Variants in NEO1 observed in about 807,000 individuals in gnomAD.
NEO1 encodes the protein neogenin 1.
In NEO1, 63 loss-of-function variants were observed where a neutral mutation model predicts 159.7. The ratio of observed to expected loss-of-function variants is 0.39; its 90% CI spans 0.32 to 0.49. The LOEUF (loss-of-function observed/expected upper bound fraction) is 0.49, where lower values mean the gene tolerates loss of function less well. Ranked by LOEUF, NEO1 falls within the 20% of genes least tolerant of loss-of-function variation. The pLI, the probability that NEO1 is intolerant of heterozygous loss-of-function variation, is 0.85. For missense variants in NEO1, 1,615 were observed against 1,831.0 expected, an observed-to-expected ratio of 0.88 and a Z score of 2.15; for synonymous variants, 633 against 662.0, an observed-to-expected ratio of 0.96 and a Z score of 0.67.
chr15:73,135,044 C>T (rs758499531), intron 4 of NEO1, among the ~76,000 whole-genome samples: 5 of 152,098 alleles, frequency 3.3e-5, no homozygotes, highest in Non-Finnish European at 5.9e-5. Context: ...TTTAAAGTGG[C>T]AGCTTTAATT....
intron 1 of NEO1, 31 bp from the exon 2 acceptor site, chr15:73,116,509 T>C (rs2151614097): frequency 6.7e-7 from 1 of 1,487,926 alleles, no homozygotes. Context: ...AGAGATTTGC[T>C]TAACTTTGTT....
At chr15:73,278,525 C>A (rs1256500775) in intron 22 of NEO1, among the ~76,000 whole-genome samples, 2 of 152,198 alleles carry the variant, frequency 1.3e-5, no homozygotes, top group African/African-American at 4.8e-5. Context: ...CCAAACCAAG[C>A]CAAACAAATG....
chr15:73,168,328 C>A (rs976120356), intron 5 of NEO1, among the ~76,000 whole-genome samples: 1 of 133,228 alleles, frequency 7.5e-6, no homozygotes. Context: ...GAATTACAGG[C>A]ATGCACCACA....
intron 8 of NEO1, among the ~76,000 whole-genome samples, chr15:73,242,811 A>T (rs1292732132): frequency 6.6e-6 from 1 of 152,222 alleles, no homozygotes; most frequent in African/African-American, 2.4e-5. Context: ...TTATTGTCTC[A>T]GGAGTAGCAG....
intron 13 of NEO1, among the ~76,000 whole-genome samples, chr15:73,257,630 A>T (rs1302313288): frequency 6.6e-6 from 1 of 152,202 alleles, no homozygotes; most frequent in Non-Finnish European, 1.5e-5. Flanking sequence ...CACTAAACAG[A>T]TCTTGCCATA....
chr15:73,175,791 G>A (rs977626966), intron 5 of NEO1, among the ~76,000 whole-genome samples: 2 of 152,196 alleles, frequency 1.3e-5, no homozygotes, highest in Non-Finnish European at 2.9e-5. Context: ...TTATTTGTAA[G>A]TTAGCAATTT....
chr15:73,254,643 A>G (rs758056054), intron 12 of NEO1, 39 bp from the exon 13 acceptor site: 14 of 1,534,892 alleles, frequency 9.1e-6, no homozygotes, highest in African/African-American at 1.4e-5. Flanking sequence ...CAAGCTTTTG[A>G]TATATTCAGC....
At chr15:73,083,535 C>T (rs1314471820) in intron 1 of NEO1, among the ~76,000 whole-genome samples, 3 of 152,106 alleles carry the variant, frequency 2.0e-5, no homozygotes, top group Non-Finnish European at 2.9e-5. Flanking sequence ...TGCAAGATAT[C>T]TCTTATTTTG....
chr15:73,059,731 T>C (rs1196303227), intron 1 of NEO1, among the ~76,000 whole-genome samples: 1 of 152,180 alleles, frequency 6.6e-6, no homozygotes. Context: ...TGGTTCTGTA[T>C]CTTTAGAGTA....
chr15:73,260,846 ATT>A (rs993505028), intron 15 of NEO1, among the ~76,000 whole-genome samples: 3 of 152,150 alleles, frequency 2.0e-5, no homozygotes, highest in African/African-American at 7.2e-5. Context: ...TAAAATTGTT[ATT>A]TTTTTCCTTG....
intron 22 of NEO1, among the ~76,000 whole-genome samples, chr15:73,279,063 G>A (rs1678253293): frequency 1.3e-5 from 2 of 152,146 alleles, no homozygotes; most frequent in African/African-American, 4.8e-5. Context: ...GTAGGAATAC[G>A]ATGATGTCTT....
chr15:73,170,171 A>C (rs908428639), intron 5 of NEO1, among the ~76,000 whole-genome samples: 3 of 152,148 alleles, frequency 2.0e-5, no homozygotes, highest in African/African-American at 7.2e-5. Flanking sequence ...ACTATAATGT[A>C]CCTAGTGGGA....
intron 26 of NEO1, among the ~76,000 whole-genome samples, chr15:73,295,142 A>G (rs966059183): frequency 1.4e-5 from 2 of 143,462 alleles, no homozygotes; most frequent in Non-Finnish European, 3.1e-5. Flanking sequence ...ATATATATAT[A>G]TGTAAAAATT....
At chr15:73,269,442 C>T (rs533087529) in intron 16 of NEO1, among the ~76,000 whole-genome samples, 432 of 152,268 alleles carry the variant, frequency 2.8e-3, no homozygotes, top group Non-Finnish European at 4.8e-3. Flanking sequence ...CTCACCGCAG[C>T]CTCCATCTCC....
chr15:73,252,674 C>T (rs1180882110), intron 11 of NEO1, among the ~76,000 whole-genome samples: 1 of 152,112 alleles, frequency 6.6e-6, no homozygotes, highest in African/African-American at 2.4e-5. Context: ...TCCAGAAAAA[C>T]CTATGGTTGT....
rs747992603 is a variant in NEO1, at chr15:73,270,008, A to T, written c.2495-2A>T. On this transcript the variant is annotated splice_acceptor_variant, in intron 16 of 28. Transcript: ENST00000261908. LOFTEE classifies it high-confidence loss of function. ...TCCCTTTTTAAATTATTTTCTGCTC[A>T]GACACTTCTGAAGTTGATTTATTTG... The T allele has an allele frequency of 1.2e-6, 2 of 1,611,206 alleles. No homozygotes were observed. Among genetic ancestry groups the T allele is most frequent in the Non-Finnish European group, 1.7e-6 (2 of 1,177,780 alleles).
rs34165169 is a variant in NEO1, at chr15:73,097,776, C to CTTTTTTTTTTTTTTTTTTTT, written c.131-18761_131-18742dup. Among the ~76,000 whole-genome samples the CTTTTTTTTTTTTTTTTTTTT allele has an allele frequency of 4.8e-4, 36 of 75,542 alleles. 1 individual carries two copies. Among genetic ancestry groups the CTTTTTTTTTTTTTTTTTTTT allele is most frequent in the African/African-American group, 1.1e-3 (13 of 11,932 alleles). 49.6% of individuals were successfully genotyped at this position (75,542 alleles called of 152,430 possible). On this transcript the variant is annotated intron_variant, in intron 1 of 28. Transcript: ENST00000261908. ...TTCTAATCCCAGACCTGGAACTAGC[C>CTTTTTTTTTTTTTTTTTTTT]TTTTTTTTTTTTTTTTTTTTTTGTA...
Position 73,257,132 on chromosome 15 carries a change from C to CAAAA in NEO1, c.2093-1616_2093-1613dup, listed in dbSNP as rs10623334. On this transcript the variant is annotated intron_variant, in intron 13 of 28. Transcript: ENST00000261908. ...GGGCAACAGAGAGAGACTCTGTCTC[C>CAAAA]AAAAAAAAAAAAAAAAAAAAAGTTT... is the stretch of plus-strand genomic sequence containing the variant. Among the ~76,000 whole-genome samples, 411 of 54,710 alleles carry CAAAA rather than the reference C, an allele frequency of 7.5e-3. 54 individuals are homozygous for CAAAA. Among genetic ancestry groups the CAAAA allele is most frequent in the East Asian group, 0.067 (65 of 974 alleles). The allele number at this position is 54,710 out of a possible 152,430, so 35.9% of individuals were successfully genotyped here. A position where few individuals can be genotyped will look rare whatever the true frequency, so the allele number is the denominator to read the frequency against.
chr15:73,158,773 A>G (rs1174928214), intron 5 of NEO1, among the ~76,000 whole-genome samples: 10 of 152,196 alleles, frequency 6.6e-5, no homozygotes, highest in South Asian at 2.1e-4. Context: ...TATTACTGCT[A>G]TGTCCCAGCC....
Sources: gnomAD v4.1 joint callset for allele counts (sites outside exome capture counted in the v4.1 genomes callset) on GRCh38, gnomAD v4.1.1 for gene constraint, MANE v1.5 for transcripts, NCBI Gene and HGNC (gene_info 2026-07-23, HGNC 2026-07-21) for gene names.